Variants in NUDT6 observed in about 807,000 individuals in gnomAD.
The protein encoded by NUDT6 is nudix hydrolase 6, also known as FAD diphosphatase NUDT6.
NUDT6 carries 24 observed loss-of-function variants against 36.8 expected under a neutral mutation model. The observed-to-expected ratio is 0.65, with a 90% CI of 0.47 to 0.92. The LOEUF (loss-of-function observed/expected upper bound fraction) is 0.92, where lower values mean the gene tolerates loss of function less well. NUDT6 is among the 40% of genes least tolerant of loss of function. The pLI, the probability that NUDT6 is intolerant of heterozygous loss-of-function variation, is 0.00. For synonymous variants in NUDT6, 163 were observed against 157.0 expected (o/e 1.04, Z -0.29); for missense variants, 388 against 392.8 (o/e 0.99, Z 0.10).
Position 122,917,648 on chromosome 4 carries a change from T to C in NUDT6, c.295A>G (p.Ile99Val), listed in dbSNP as rs1302933184. 3 of 1,614,130 alleles carry C rather than the reference T, an allele frequency of 1.9e-6. No homozygotes were observed. The highest frequency in any genetic ancestry group is 2.5e-6 in the Non-Finnish European group (3 of 1,180,018). Residue 99 changes from isoleucine (I) to valine (V), a missense_variant, in exon 2 of 5, where the codon ATC becomes GTC. Coordinates refer to ENST00000304430, the MANE Select transcript of NUDT6 (RefSeq NM_007083.5). ...GGGGCAATAAATCGGCTTTGGAGGA[T>C]GGGAATGTGCAGCCATACAGCTGTT... ...GRTAVWLHIP[I>V]LQSRFIAPAA...
Position 122,922,581 on chromosome 4 carries a change from C to T in NUDT6, c.-9G>A, listed in dbSNP as rs749113399. The stretch of plus-strand genomic sequence containing the variant: ...CTCAGTGGCTGCCGCATCTCCACGC[C>T]GCTTAATTCGTCCGTTGCCCAAATG... On this transcript the variant is annotated 5_prime_UTR_variant, in exon 1 of 5. Transcript: ENST00000304430. 36 of 1,588,732 alleles carry T rather than the reference C, an allele frequency of 2.3e-5. No homozygotes were observed. The highest frequency in any genetic ancestry group is 9.0e-5 in the East Asian group (4 of 44,654).
intron 2 of NUDT6, among the ~76,000 whole-genome samples, chr4:122,915,919 ACTC>A (rs1727830385): frequency 2.0e-5 from 3 of 152,114 alleles, no homozygotes; most frequent in Non-Finnish European, 4.4e-5. Flanking sequence ...TTCTTGAACA[ACTC>A]CTTGAAAAGC....
rs899300631 is a variant in NUDT6, at chr4:122,904,602, G to T, written c.499-6924C>A. On this transcript the variant is annotated intron_variant, in intron 3 of 4. Coordinates refer to ENST00000304430, the MANE Select transcript of NUDT6 (RefSeq NM_007083.5). ...CTTCCAAGTAGCTTGGATTACAGGT[G>T]CATACCACCATGCCCAGCTAATTTT... Among the ~76,000 whole-genome samples, 3 of 152,072 alleles carry T rather than the reference G, an allele frequency of 2.0e-5. No homozygotes were observed. The East Asian group carries it at 5.8e-4, about 29-fold the overall frequency.
rs1224617497 is a variant in NUDT6, at chr4:122,922,530, C to G, written c.43G>C (p.Ala15Pro). 6.2e-7 allele frequency: 1 copy of G among 1,605,088 alleles called. No individual in the cohort carries two copies. The highest frequency in any genetic ancestry group is 1.3e-5 in the African/African-American group (1 of 74,854). Residue 15 changes from alanine (A) to proline (P), a missense_variant, in exon 1 of 5, where the codon GCC (alanine) becomes CCC (proline). Ala to Pro is a conservative substitution (Grantham distance 27). Transcript: ENST00000304430. ...LSWGRWRAML[A>P]RTYGPGPSAG... ...GAAGGCCCGGGGCCGTAGGTTCGGGCAAGCATCGCGCGCCAGCGGCCCCAG... is the reference window on the plus strand; with the variant it reads ...GAAGGCCCGGGGCCGTAGGTTCGGGGAAGCATCGCGCGCCAGCGGCCCCAG...
upstream of NUDT6, chr4:122,922,603 A>G (rs549748563): frequency 2.8e-5 from 43 of 1,556,992 alleles, no homozygotes; most frequent in African/African-American, 3.4e-4. Context: ...CCGTTGCCCA[A>G]ATGACCCCTC....
rs544428579 is a variant in NUDT6 at position 122,915,538 on chromosome 4, C to T, written c.442+1963G>A. On this transcript the variant is annotated intron_variant, in intron 2 of 4. Coordinates refer to ENST00000304430, the MANE Select transcript of NUDT6 (RefSeq NM_007083.5). ...TCCAGAACAATTTCTTACATTACCT[C>T]GTCCACACCCCCAACAGTGGCTTCA... 4.6e-5 allele frequency among the ~76,000 whole-genome samples: 7 copies of T among 151,140 alleles called. No homozygotes were observed. The South Asian group carries it at 1.0e-3, about 23-fold the overall frequency.
intron 3 of NUDT6, among the ~76,000 whole-genome samples, chr4:122,912,359 T>C (rs966107815): frequency 6.6e-6 from 1 of 152,184 alleles, no homozygotes; most frequent in Non-Finnish European, 1.5e-5. Flanking sequence ...AAGTAATAGA[T>C]AGTAACACTG....
intron 3 of NUDT6, among the ~76,000 whole-genome samples, chr4:122,900,108 G>A (rs868714162): frequency 6.1e-5 from 8 of 130,474 alleles, no homozygotes; most frequent in Non-Finnish European, 1.2e-4. Context: ...AGTCCTGTGC[G>A]CCAACGGTTA....
chr4:122,907,785 G>A (rs1310577124), intron 3 of NUDT6, among the ~76,000 whole-genome samples: 1 of 151,938 alleles, frequency 6.6e-6, no homozygotes, highest in Non-Finnish European at 1.5e-5. Flanking sequence ...TTCACTTTAC[G>A]GATTCACCCA....
In NUDT6 at chr4:122,922,568, C is replaced by T. The variant is rs754264116; in HGVS notation, c.5G>A (p.Arg2Gln). The T allele has an allele frequency of 3.8e-6, 6 of 1,592,816 alleles. No homozygotes were observed. Among genetic ancestry groups the T allele is most frequent in the South Asian group, 1.1e-5 (1 of 90,298 alleles). The change falls in exon 1 of 5, where the codon CGG becomes CAG. Residue 2 changes from arginine to glutamine, a missense_variant. By Grantham distance (43) the Arg-to-Gln change is conservative (BLOSUM62 1). Coordinates refer to ENST00000304430, the MANE Select transcript of NUDT6 (RefSeq NM_007083.5). M[R>Q]QPLSWGRWRA... is the part of the protein sequence containing the mutation. ...CCAGCGGCCCCAGCTCAGTGGCTGCCGCATCTCCACGCCGCTTAATTCGTC... is the reference window on the plus strand; with the variant it reads ...CCAGCGGCCCCAGCTCAGTGGCTGCTGCATCTCCACGCCGCTTAATTCGTC...
intron 1 of NUDT6, 68 bp downstream of exon 1, chr4:122,922,267 G>C: frequency 7.3e-7 from 1 of 1,378,850 alleles, no homozygotes; most frequent in Admixed American, 2.2e-5. Context: ...ACTAGGGAGT[G>C]GGGGCCGCGG....
rs899300631 is a variant in NUDT6 at position 122,904,602 on chromosome 4, G to A, written c.499-6924C>T. Among the ~76,000 whole-genome samples the A allele has an allele frequency of 7.2e-5, 11 of 152,072 alleles. No homozygotes were observed. The South Asian group carries it at 1.2e-3, about 17-fold the overall frequency. On this transcript the variant is annotated intron_variant, in intron 3 of 4. Transcript: ENST00000304430. ...CTTCCAAGTAGCTTGGATTACAGGT[G>A]CATACCACCATGCCCAGCTAATTTT...
intron 3 of NUDT6, among the ~76,000 whole-genome samples, chr4:122,911,421 C>T (rs1269207999): frequency 6.6e-6 from 1 of 152,142 alleles, no homozygotes; most frequent in Non-Finnish European, 1.5e-5. Flanking sequence ...GCCTCCTACT[C>T]TCTGGTCATA....
chr4:122,919,285 CG>C (rs1256609661), intron 1 of NUDT6: 1 of 152,266 alleles, frequency 6.6e-6, no homozygotes, highest in African/African-American at 2.4e-5. Flanking sequence ...GGTGCAATCT[CG>C]GCTCACTGCA....
In NUDT6 at chr4:122,909,494, A is replaced by T. The variant is rs188726073; in HGVS notation, c.498+3074T>A. ...CAGAGCAAAACATGATAGAATTAAA[A>T]TTTTTTTTTTACCCCGAAAACCTCA... On this transcript the variant is annotated intron_variant, in intron 3 of 4. Coordinates refer to ENST00000304430, the MANE Select transcript of NUDT6 (RefSeq NM_007083.5). Among the ~76,000 whole-genome samples the T allele has an allele frequency of 1.5e-3, 219 of 150,942 alleles. 4 individuals are homozygous for T. In the East Asian group the frequency reaches 0.033, roughly 23 times the overall value.
chr4:122,910,225 G>C (rs1464017302), intron 3 of NUDT6, among the ~76,000 whole-genome samples: 1 of 152,022 alleles, frequency 6.6e-6, no homozygotes, highest in African/African-American at 2.4e-5. Flanking sequence ...GATTGCTCTG[G>C]GAGTTTGATT....
chr4:122,922,792 G>T (rs1187161451), upstream of NUDT6: 12 of 577,310 alleles, frequency 2.1e-5, no homozygotes, highest in Non-Finnish European at 2.4e-5. Context: ...CTCCCCCACC[G>T]CCACTCACTT....
Position 122,922,542 on chromosome 4 carries a change from G to T in NUDT6, c.31C>A (p.Arg11Ser), listed in dbSNP as rs1486683779. The stretch of plus-strand genomic sequence containing the variant: ...CCGTAGGTTCGGGCAAGCATCGCGC[G>T]CCAGCGGCCCCAGCTCAGTGGCTGC... MRQPLSWGRW[R>S]AMLARTYGPG... Residue 11 changes from arginine (R) to serine (S), a missense_variant, in exon 1 of 5, where the codon CGC (arginine) becomes AGC (serine). Arg to Ser is a moderately radical substitution (Grantham distance 110, BLOSUM62 -1). Transcript: ENST00000304430. The T allele has an allele frequency of 1.2e-6, 2 of 1,602,912 alleles. No homozygotes were observed. The highest frequency in any genetic ancestry group is 1.7e-6 in the Non-Finnish European group (2 of 1,177,510).
chr4:122,893,196 C>G lies in NUDT6; in HGVS notation c.583G>C (p.Glu195Gln). 1 of 1,609,178 alleles carries G rather than the reference C, an allele frequency of 6.2e-7. No individual in the cohort carries two copies. The highest frequency in any genetic ancestry group is 8.5e-7 in the Non-Finnish European group (1 of 1,177,070). The change falls in exon 5 of 5, where the codon GAG (glutamate) becomes CAG (glutamine). Residue 195 changes from glutamate to glutamine, a missense_variant. By Grantham distance (29) the Glu-to-Gln change is conservative. Coordinates refer to ENST00000304430, the MANE Select transcript of NUDT6 (RefSeq NM_007083.5). The stretch of plus-strand genomic sequence containing the variant: ...CTGAATTCTGATTTTATACCAGTCT[C>G]TTCAAAAACTTCTCGAACCGCTGTG... ...GDTAVREVFE[E>Q]TGIKSEFRSV...
Sources: gnomAD v4.1 joint callset for allele counts (sites outside exome capture counted in the v4.1 genomes callset) on GRCh38, gnomAD v4.1.1 for gene constraint, MANE v1.5 for transcripts, NCBI Gene and HGNC (gene_info 2026-07-23, HGNC 2026-07-21) for gene names.